Variants in DPF3 observed in about 807,000 individuals in gnomAD.
DPF3 encodes the protein zinc finger protein DPF3.
A neutral mutation model predicts 56.8 loss-of-function variants in DPF3; 18 were observed. The observed-to-expected ratio is 0.32, with a 90% CI of 0.22 to 0.47. The LOEUF (loss-of-function observed/expected upper bound fraction) is 0.47, where lower values mean the gene tolerates loss of function less well. Ranked by LOEUF, DPF3 falls within the 20% of genes least tolerant of loss-of-function variation. The pLI is 1.00. For missense variants in DPF3, 403 were observed against 488.8 expected, an observed-to-expected ratio of 0.82 and a Z score of 1.65; for synonymous variants, 188 against 180.2, an observed-to-expected ratio of 1.04 and a Z score of -0.35.
intron 5 of DPF3, among the ~76,000 whole-genome samples, chr14:72,719,039 G>A (rs1157286464): frequency 6.7e-6 from 1 of 148,926 alleles, no homozygotes; most frequent in Admixed American, 6.7e-5. Context: ...CAAAGTGCTG[G>A]GATTACAGGT....
At chr14:72,777,778 C>T (rs1891804664) in intron 1 of DPF3, among the ~76,000 whole-genome samples, 1 of 152,136 alleles carries the variant, frequency 6.6e-6, no homozygotes. Context: ...GACATGCCTC[C>T]TCCCCCTTTG....
intron 1 of DPF3, among the ~76,000 whole-genome samples, chr14:72,884,971 T>TATATATATATATATATATATATATATATA (rs10523148): frequency 7.2e-4 from 80 of 111,626 alleles, no homozygotes; most frequent in Middle Eastern, 4.3e-3. Flanking sequence ...TATATATATA[T>TATATATATATATATATATATATATATATA]TAGCCGGGCG....
intron 1 of DPF3, among the ~76,000 whole-genome samples, chr14:72,890,164 T>G (rs1408123477): frequency 6.6e-6 from 1 of 152,170 alleles, no homozygotes; most frequent in East Asian, 1.9e-4. Context: ...GTGGTTTATC[T>G]GAACTAGAAT....
At chr14:72,776,531 T>G (rs1891751178) in intron 1 of DPF3, among the ~76,000 whole-genome samples, 1 of 152,012 alleles carries the variant, frequency 6.6e-6, no homozygotes, top group African/African-American at 2.4e-5. Flanking sequence ...CAAAGAAGAC[T>G]CAGAATGGGA....
chr14:72,851,595 A>C (rs1884985576), intron 1 of DPF3, among the ~76,000 whole-genome samples: 1 of 152,200 alleles, frequency 6.6e-6, no homozygotes, highest in African/African-American at 2.4e-5. Flanking sequence ...GCAGATTATA[A>C]CTACTCTTGC....
chr14:72,715,366 C>T (rs1397423063), intron 5 of DPF3, among the ~76,000 whole-genome samples: 1 of 152,168 alleles, frequency 6.6e-6, no homozygotes, highest in Non-Finnish European at 1.5e-5. Context: ...ATTTTTAAAC[C>T]TTTGTAAGTC....
At chr14:72,714,789 T>C (rs1323002522) in intron 5 of DPF3, among the ~76,000 whole-genome samples, 1 of 152,086 alleles carries the variant, frequency 6.6e-6, no homozygotes, top group African/African-American at 2.4e-5. Context: ...AGAGGTTAAG[T>C]AGCTTGCCCA....
intron 6 of DPF3, among the ~76,000 whole-genome samples, chr14:72,712,244 G>A (rs1015599708): frequency 5.9e-5 from 9 of 152,306 alleles, no homozygotes; most frequent in Middle Eastern, 3.4e-3. Context: ...AGAAGCAAAC[G>A]TCACTGAGAG....
chr14:72,790,035 T>C (rs1164334333), intron 1 of DPF3, among the ~76,000 whole-genome samples: 2 of 152,098 alleles, frequency 1.3e-5, no homozygotes, highest in Non-Finnish European at 2.9e-5. Flanking sequence ...GCAGATTGCT[T>C]GAGCCCAGGA....
intron 6 of DPF3, among the ~76,000 whole-genome samples, chr14:72,696,573 G>T (rs1298997406): frequency 6.6e-6 from 1 of 152,118 alleles, no homozygotes; most frequent in African/African-American, 2.4e-5. Flanking sequence ...CCATTTTGTG[G>T]GAAGGCCAGG....
intron 7 of DPF3, among the ~76,000 whole-genome samples, chr14:72,690,615 G>GCA (rs150119283): frequency 6.7e-5 from 10 of 148,596 alleles, no homozygotes; most frequent in South Asian, 4.3e-4. Context: ...CAACATGCAC[G>GCA]CACACACACA....
rs1428028523 is a variant in DPF3, at chr14:72,756,928, A to AAGAAAGAAAGAAAGAAAGAAAGAAG, written c.194-3558_194-3557insCTTCTTTCTTTCTTTCTTTCTTTCT. Among the ~76,000 whole-genome samples, 135 of 139,152 alleles carry AAGAAAGAAAGAAAGAAAGAAAGAAG rather than the reference A, an allele frequency of 9.7e-4. 1 individual carries two copies. Among genetic ancestry groups the AAGAAAGAAAGAAAGAAAGAAAGAAG allele is most frequent in the African/African-American group, 3.1e-3 (101 of 32,334 alleles). The allele number at this position is 139,152 out of a possible 152,430, so 91.3% of individuals were successfully genotyped here. A position where few individuals can be genotyped will look rare whatever the true frequency, so the allele number is the denominator to read the frequency against. On this transcript the variant is annotated intron_variant, in intron 2 of 10. Transcript: ENST00000556509. Reference sequence around the variant, plus strand: ...AAAAAAAGAAAGAAAGAAAGAAAGAAAGAAGAGAAGAGAAGAGAAAGGGAG... The same window carrying AAGAAAGAAAGAAAGAAAGAAAGAAG: ...AAAAAAAGAAAGAAAGAAAGAAAGAAAGAAAGAAAGAAAGAAAGAAAGAAGAGAAGAGAAGAGAAGAGAAAGGGAG...
intron 1 of DPF3, among the ~76,000 whole-genome samples, chr14:72,854,826 T>C (rs1002210029): frequency 1.3e-5 from 2 of 152,170 alleles, no homozygotes; most frequent in Non-Finnish European, 2.9e-5. Flanking sequence ...CTGCCCACAC[T>C]TCACTCAGCA....
At chr14:72,835,803 C>T (rs1308029136) in intron 1 of DPF3, among the ~76,000 whole-genome samples, 1 of 152,130 alleles carries the variant, frequency 6.6e-6, no homozygotes, top group Non-Finnish European at 1.5e-5. Flanking sequence ...TGACTTGACC[C>T]GCAGCGAGGC....
intron 3 of DPF3, among the ~76,000 whole-genome samples, chr14:72,749,000 T>G (rs1890442620): frequency 1.3e-5 from 2 of 152,328 alleles, no homozygotes; most frequent in African/African-American, 4.8e-5. Flanking sequence ...GAGTCCCACC[T>G]GGGGCACCAC....
intron 6 of DPF3, among the ~76,000 whole-genome samples, chr14:72,712,793 G>A (rs563738945): frequency 3.4e-4 from 52 of 152,336 alleles, no homozygotes; most frequent in African/African-American, 1.2e-3. Context: ...CTTGAGTCCA[G>A]GAGGTCAAGG....
intron 7 of DPF3, among the ~76,000 whole-genome samples, chr14:72,686,781 C>G (rs1249786219): frequency 6.6e-6 from 1 of 152,188 alleles, no homozygotes; most frequent in Non-Finnish European, 1.5e-5. Flanking sequence ...CTCTGTCTCC[C>G]CTAATAACAA....
chr14:72,670,002 G>A (rs1055769937), intron 8 of DPF3: 1 of 986,004 alleles, frequency 1.0e-6, no homozygotes, highest in South Asian at 4.7e-5. Context: ...TCAGTGAGGT[G>A]GGTGGCCTTC....
At chr14:72,689,428 G>A (rs1887578705) in intron 7 of DPF3, among the ~76,000 whole-genome samples, 1 of 152,100 alleles carries the variant, frequency 6.6e-6, no homozygotes, top group Admixed American at 6.5e-5. Flanking sequence ...TTCTCCTGGG[G>A]GAGCCGCAGA....
Sources: gnomAD v4.1 joint callset for allele counts (sites outside exome capture counted in the v4.1 genomes callset) on GRCh38, gnomAD v4.1.1 for gene constraint, MANE v1.5 for transcripts, NCBI Gene and HGNC (gene_info 2026-07-23, HGNC 2026-07-21) for gene names.